The following KNL1 variants were observed in gnomAD, a reference collection of about 807,000 sequenced individuals.
The protein encoded by KNL1 is outer kinetochore KNL1 complex subunit KNL1.
A neutral mutation model predicts 201.3 loss-of-function variants in KNL1; 66 were observed. That is an observed-to-expected ratio of 0.33 (90% CI 0.27 to 0.40). The LOEUF (loss-of-function observed/expected upper bound fraction) is 0.40. Among genes scored for constraint, KNL1 ranks in the 10% least tolerant of loss-of-function variants. The pLI is 1.00. For synonymous variants in KNL1, 895 were observed against 899.2 expected, an observed-to-expected ratio of 1.00 and a Z score of 0.08; for missense variants, 2,815 against 2,690.5, an observed-to-expected ratio of 1.05 and a Z score of -1.02.
chr15:40,646,166 A>C (rs556278999), intron 16 of KNL1, among the ~76,000 whole-genome samples: 1 of 152,228 alleles, frequency 6.6e-6, no homozygotes, highest in Non-Finnish European at 1.5e-5. Flanking sequence ...AAGGCTCTGC[A>C]TAAAAAAACT....
At chr15:40,605,835 A>C (rs1052241289) in intron 3 of KNL1, among the ~76,000 whole-genome samples, 3 of 152,212 alleles carry the variant, frequency 2.0e-5, no homozygotes, top group African/African-American at 7.2e-5. Flanking sequence ...TACTGACCAG[A>C]GATTCTAACC....
intron 19 of KNL1, among the ~76,000 whole-genome samples, chr15:40,651,010 T>C (rs1893540138): frequency 6.6e-6 from 1 of 151,282 alleles, no homozygotes; most frequent in Admixed American, 6.6e-5. Context: ...AAATTGATGC[T>C]AGCAAAATGA....
chr15:40,614,778 A>G (rs908075246), intron 7 of KNL1, among the ~76,000 whole-genome samples: 1 of 152,154 alleles, frequency 6.6e-6, no homozygotes. Flanking sequence ...CTCCCTATTG[A>G]TGGACACTTG....
At chr15:40,600,506 T>G (rs776676556) in intron 1 of KNL1, among the ~76,000 whole-genome samples, 1 of 152,198 alleles carries the variant, frequency 6.6e-6, no homozygotes, top group African/African-American at 2.4e-5. Flanking sequence ...GACAGTTTAA[T>G]GGCTAAAACT....
chr15:40,636,249 T>C (rs1390914544), intron 13 of KNL1, among the ~76,000 whole-genome samples: 2 of 152,196 alleles, frequency 1.3e-5, no homozygotes, highest in Non-Finnish European at 2.9e-5. Flanking sequence ...AGGGTGGCTT[T>C]ACACATGGTG....
chr15:40,660,765 A>T lies in KNL1; in HGVS notation c.6836+1304A>T, dbSNP rs952835243. The stretch of plus-strand genomic sequence containing the variant: ...GGGCGGATCACTTGAGCTTGGGAGT[A>T]TGAGAATAGCCTGGCCAACATGGCG... On this transcript the variant is annotated intron_variant, in intron 25 of 25. Transcript: ENST00000399668. Among the ~76,000 whole-genome samples, 6 of 147,378 alleles carry T rather than the reference A, an allele frequency of 4.1e-5. No individual in the cohort carries two copies. In the Admixed American group the frequency reaches 4.1e-4, roughly 10 times the overall value.
At chr15:40,605,010 G>T in intron 2 of KNL1, 100 bp from the exon 3 acceptor site, 1 of 676,740 alleles carries the variant, frequency 1.5e-6, no homozygotes, top group South Asian at 1.8e-5. Flanking sequence ...AAGAGAAAGT[G>T]ATGACCAGTT....
intron 21 of KNL1, 23 bp downstream of exon 21, chr15:40,652,128 T>C: frequency 6.7e-7 from 1 of 1,494,788 alleles, no homozygotes. Flanking sequence ...AGTGAGATAA[T>C]TCTTTTACAG....
chr15:40,610,262 C>G lies in KNL1; in HGVS notation c.215C>G (p.Ser72Cys). 6.6e-7 allele frequency: 1 copy of G among 1,508,662 alleles called. No individual in the cohort carries two copies. 93.5% of individuals were successfully genotyped at this position (1,508,662 alleles called of 1,614,324 possible). The change falls in exon 6 of 26, where the codon TCT becomes TGT. Residue 72 changes from serine (S) to cysteine (C), a missense_variant. Physicochemically the swap from Ser to Cys is moderately radical, Grantham distance 112 (BLOSUM62 -1). Coordinates refer to ENST00000399668, the MANE Select transcript of KNL1 (RefSeq NM_144508.5). ...ADTIKVFQTESHMKIVRKSEM... is the reference protein window; with the variant it reads ...ADTIKVFQTECHMKIVRKSEM... The stretch of plus-strand genomic sequence containing the variant: ...TCTTCTAGGGTATTCCAGACGGAGT[C>G]TCATATGAAAATAGTGAGAAAGTCA...
At chr15:40,641,179 C>G (rs1367858676) in intron 14 of KNL1, 152 bp downstream of exon 14, 1 of 549,680 alleles carries the variant, frequency 1.8e-6, no homozygotes, top group Non-Finnish European at 3.2e-6. Flanking sequence ...GCTTTGGCCT[C>G]GTAGTCAGAT....
intron 13 of KNL1, among the ~76,000 whole-genome samples, chr15:40,632,761 T>G (rs1434154493): frequency 6.6e-6 from 1 of 152,270 alleles, no homozygotes; most frequent in East Asian, 1.9e-4. Context: ...AGCTCATGCC[T>G]GTAATCTTAG....
chr15:40,609,336 G>A (rs1347305141), intron 5 of KNL1, among the ~76,000 whole-genome samples: 1 of 151,962 alleles, frequency 6.6e-6, no homozygotes, highest in Non-Finnish European at 1.5e-5. Context: ...GATTGCTTCA[G>A]TTCAGGAGTT....
chr15:40,602,105 C>T (rs1266722420), intron 1 of KNL1, among the ~76,000 whole-genome samples: 1 of 151,370 alleles, frequency 6.6e-6, no homozygotes, highest in Non-Finnish European at 1.5e-5. Flanking sequence ...TCTCGGCTCA[C>T]TGCAAGCTCC....
At chr15:40,640,098 C>CA (rs1893181300) in intron 13 of KNL1, among the ~76,000 whole-genome samples, 2 of 124,506 alleles carry the variant, frequency 1.6e-5, no homozygotes, top group African/African-American at 6.0e-5. Flanking sequence ...TTTTTCTTTT[C>CA]TTTTTTTTTT....
chr15:40,612,400 G>A (rs769529249), intron 7 of KNL1, among the ~76,000 whole-genome samples: 19 of 151,950 alleles, frequency 1.3e-4, no homozygotes, highest in Non-Finnish European at 2.5e-4. Flanking sequence ...GCCAAGGCAC[G>A]AGAATCGCTT....
At chr15:40,610,356 A>C (rs950033892) in intron 6 of KNL1, 59 bp downstream of exon 6, 1 of 841,018 alleles carries the variant, frequency 1.2e-6, no homozygotes, top group Non-Finnish European at 2.0e-6. Context: ...TACTGTAGCT[A>C]TCTAACCAGA....
At chr15:40,647,238 G>T (rs897443288) in intron 17 of KNL1, among the ~76,000 whole-genome samples, 164 bp downstream of exon 17, 11 of 152,068 alleles carry the variant, frequency 7.2e-5, no homozygotes, top group Non-Finnish European at 1.5e-4. Context: ...ACTTTGGGAG[G>T]CCAAGCCGGG....
intron 24 of KNL1, 22 bp from the exon 25 acceptor site, chr15:40,659,317 T>C (rs1893834085): frequency 6.3e-7 from 1 of 1,590,830 alleles, no homozygotes; most frequent in Non-Finnish European, 8.6e-7. Context: ...GCATTTTTAA[T>C]TGTGGATCTT....
chr15:40,634,621 C>T (rs1893003828), intron 13 of KNL1, among the ~76,000 whole-genome samples: 1 of 152,136 alleles, frequency 6.6e-6, no homozygotes, highest in Non-Finnish European at 1.5e-5. Flanking sequence ...CAGTAGAATC[C>T]TCTTGCCTCA....
Sources: gnomAD v4.1 joint callset for allele counts (sites outside exome capture counted in the v4.1 genomes callset) on GRCh38, gnomAD v4.1.1 for gene constraint, MANE v1.5 for transcripts, NCBI Gene and HGNC (gene_info 2026-07-23, HGNC 2026-07-21) for gene names.